Variants in RPS6KC1 observed in about 807,000 individuals in gnomAD.
The protein encoded by RPS6KC1 is ribosomal protein S6 kinase C1, also known as inactive ribosomal protein S6 kinase delta-1.
RPS6KC1 carries 54 observed loss-of-function variants against 103.8 expected under a neutral mutation model. That is an observed-to-expected ratio of 0.52 (90% CI 0.42 to 0.65). RPS6KC1 has a LOEUF of 0.65. Ranked by LOEUF, RPS6KC1 falls within the 30% of genes least tolerant of loss-of-function variation. The probability of loss-of-function intolerance (pLI) is 0.00; values close to 1 mark genes in which losing one functional copy is unlikely to be tolerated. For missense variants in RPS6KC1, 1,151 were observed against 1,253.8 expected (o/e 0.92, Z 1.24); for synonymous variants, 439 against 438.7 (o/e 1.00, Z -0.01).
intron 3 of RPS6KC1, among the ~76,000 whole-genome samples, chr1:213,090,042 A>G (rs901639125): frequency 1.3e-5 from 2 of 152,188 alleles, no homozygotes; most frequent in African/African-American, 2.4e-5. Flanking sequence ...TCATGATGCA[A>G]ACAGCCCCTC....
At chr1:213,631,917 C>G in the RPS6KC1 span, among the ~76,000 whole-genome samples, 2 of 152,170 alleles carry the variant, frequency 1.3e-5, no homozygotes, top group Non-Finnish European at 2.9e-5. Context: ...GACTCTCTCT[C>G]CCCTTTTCCT....
chr1:213,846,638 A>G, the RPS6KC1 span, among the ~76,000 whole-genome samples: 1 of 152,192 alleles, frequency 6.6e-6, no homozygotes, highest in South Asian at 2.1e-4. Flanking sequence ...ATTAAAGCTA[A>G]TCAAGTGCAC....
At chr1:213,148,487 T>G (rs1450143902) in intron 6 of RPS6KC1, among the ~76,000 whole-genome samples, 1 of 152,230 alleles carries the variant, frequency 6.6e-6, no homozygotes, top group Non-Finnish European at 1.5e-5. Context: ...ATTGATTGAT[T>G]TGCATATGTT....
the RPS6KC1 span, among the ~76,000 whole-genome samples, chr1:213,720,298 T>C: frequency 6.6e-6 from 1 of 152,220 alleles, no homozygotes; most frequent in Non-Finnish European, 1.5e-5. Context: ...ACATCTATCA[T>C]TAGAATTGAC....
the RPS6KC1 span, among the ~76,000 whole-genome samples, chr1:213,680,147 CAG>C: frequency 6.6e-6 from 1 of 152,096 alleles, no homozygotes; most frequent in Non-Finnish European, 1.5e-5. Context: ...TCGCTGGAAA[CAG>C]GGGATCATGT....
the RPS6KC1 span, among the ~76,000 whole-genome samples, chr1:213,738,124 C>G: frequency 0.03 from 4,501 of 152,254 alleles, 207 homozygotes; most frequent in African/African-American, 0.1. Context: ...CTAGCCAGAA[C>G]AGCCCTGAAA....
chr1:213,290,296 C>G, the RPS6KC1 span, among the ~76,000 whole-genome samples: 1 of 152,132 alleles, frequency 6.6e-6, no homozygotes. Flanking sequence ...TTTGGGGTTG[C>G]CAGTTGCCAA....
At chr1:213,633,748 C>T in the RPS6KC1 span, among the ~76,000 whole-genome samples, 1 of 151,568 alleles carries the variant, frequency 6.6e-6, no homozygotes, top group Non-Finnish European at 1.5e-5. Context: ...AAGACACATA[C>T]TGGCAAATTG....
rs1288602088 is a variant in RPS6KC1, at chr1:213,272,702, C to CCT, written c.*71_*72dup. 1 of 1,139,508 alleles carries CCT rather than the reference C, an allele frequency of 8.8e-7. No homozygotes were observed. The highest frequency in any genetic ancestry group is 1.5e-5 in the African/African-American group (1 of 65,686). 70.6% of individuals were successfully genotyped at this position (1,139,508 alleles called of 1,614,324 possible). A position where few individuals can be genotyped will look rare whatever the true frequency, so the allele number is the denominator to read the frequency against. ...GACAGGCATCTCCAGCACTGAGGCA[C>CCT]CTCTGACTCACAGTTACTTATGGAG... On this transcript the variant is annotated 3_prime_UTR_variant, in exon 15 of 15. Transcript: ENST00000366960.
the RPS6KC1 span, among the ~76,000 whole-genome samples, chr1:213,576,371 G>GGT: frequency 1.4e-5 from 2 of 140,120 alleles, no homozygotes; most frequent in African/African-American, 2.6e-5. Flanking sequence ...GATACTGTGG[G>GGT]TTTTTTTTTT....
At chr1:213,728,073 T>C in the RPS6KC1 span, among the ~76,000 whole-genome samples, 353 of 151,902 alleles carry the variant, frequency 2.3e-3, 1 homozygote, top group African/African-American at 8.1e-3. Flanking sequence ...TGTGGGCCAC[T>C]GAGAAGATAA....
At chr1:213,555,185 G>T in the RPS6KC1 span, among the ~76,000 whole-genome samples, 2 of 152,150 alleles carry the variant, frequency 1.3e-5, no homozygotes, top group East Asian at 1.9e-4. Flanking sequence ...TCATCCAAAA[G>T]GCTACTACAA....
At chr1:213,827,362 G>A in the RPS6KC1 span, among the ~76,000 whole-genome samples, 15 of 152,226 alleles carry the variant, frequency 9.9e-5, no homozygotes, top group Admixed American at 9.8e-4. Flanking sequence ...TTTAGCTCAC[G>A]GCTGTGGCCT....
intron 8 of RPS6KC1, among the ~76,000 whole-genome samples, chr1:213,205,950 T>C (rs2148626645): frequency 6.6e-6 from 1 of 152,270 alleles, no homozygotes; most frequent in Non-Finnish European, 1.5e-5. Flanking sequence ...CCGATGAGCA[T>C]TTCCTTTGAA....
chr1:213,426,061 T>C, the RPS6KC1 span, among the ~76,000 whole-genome samples: 4 of 152,108 alleles, frequency 2.6e-5, no homozygotes, highest in South Asian at 8.3e-4. Context: ...TTGAGCCCCC[T>C]TTTTCCCCAT....
the RPS6KC1 span, among the ~76,000 whole-genome samples, chr1:213,671,882 AT>A: frequency 6.6e-6 from 1 of 152,194 alleles, no homozygotes; most frequent in Admixed American, 6.5e-5. Context: ...TTCACAGTGT[AT>A]ATAAGTATTG....
the RPS6KC1 span, among the ~76,000 whole-genome samples, chr1:213,787,627 T>G: frequency 1.3e-5 from 2 of 152,102 alleles, no homozygotes; most frequent in Non-Finnish European, 2.9e-5. Context: ...AACTCGGTGA[T>G]CTGGTTGATA....
chr1:213,179,137 G>A (rs1043426941), intron 8 of RPS6KC1, among the ~76,000 whole-genome samples: 5 of 152,010 alleles, frequency 3.3e-5, no homozygotes, highest in Admixed American at 2.6e-4. Context: ...GGTATAGGCC[G>A]GGAGCTGTGG....
the RPS6KC1 span, among the ~76,000 whole-genome samples, chr1:213,455,805 G>A: frequency 6.6e-6 from 1 of 152,130 alleles, no homozygotes; most frequent in South Asian, 2.1e-4. Flanking sequence ...ATTGCCTTTT[G>A]TTTTTATTGA....
Sources: gnomAD v4.1 joint callset for allele counts (sites outside exome capture counted in the v4.1 genomes callset) on GRCh38, gnomAD v4.1.1 for gene constraint, MANE v1.5 for transcripts, NCBI Gene and HGNC (gene_info 2026-07-23, HGNC 2026-07-21) for gene names.